The following JAZF1 variants were observed in gnomAD, a reference collection of about 807,000 sequenced individuals.
JAZF1 encodes juxtaposed with another zinc finger protein 1.
A neutral mutation model predicts 26.4 loss-of-function variants in JAZF1; 8 were observed. The observed-to-expected ratio is 0.30, with a 90% confidence interval of 0.18 to 0.55. The LOEUF is 0.55. Ranked by LOEUF, JAZF1 falls within the 20% of genes least tolerant of loss-of-function variation. The pLI, the probability that JAZF1 is intolerant of heterozygous loss-of-function variation, is 0.94. For synonymous variants in JAZF1, 126 were observed against 122.3 expected, an observed-to-expected ratio of 1.03 and a Z score of -0.20; for missense variants, 199 against 322.0, an observed-to-expected ratio of 0.62 and a Z score of 2.92.
chr7:27,963,181 G>A (rs1310370407), intron 2 of JAZF1, among the ~76,000 whole-genome samples: 1 of 152,146 alleles, frequency 6.6e-6, no homozygotes, highest in Non-Finnish European at 1.5e-5. Flanking sequence ...TGTATACTAC[G>A]TTACAATTTG....
chr7:28,114,098 T>A lies in JAZF1; in HGVS notation c.115+66365A>T, dbSNP rs377538782. Reference sequence around the variant, plus strand: ...TTAACACAACAGAAGAGAAGGACAATGGGAATATTAACAAGCAAGAATAAC... The same window carrying A: ...TTAACACAACAGAAGAGAAGGACAAAGGGAATATTAACAAGCAAGAATAAC... On this transcript the variant is annotated intron_variant, in intron 1 of 4. Transcript: ENST00000283928. Among the ~76,000 whole-genome samples, 25 of 152,312 alleles carry A rather than the reference T, an allele frequency of 1.6e-4. No individual in the cohort carries two copies. The East Asian group carries it at 3.1e-3, about 19-fold the overall frequency.
At chr7:28,158,156 CACACACACACAA>C (rs1266107283) in intron 1 of JAZF1, among the ~76,000 whole-genome samples, 5 of 109,750 alleles carry the variant, frequency 4.6e-5, no homozygotes, top group Admixed American at 1.2e-4. Flanking sequence ...CGCGCACACA[CACACACACACAA>C]ACACACACAC....
chr7:28,092,771 G>A (rs960654402), intron 1 of JAZF1, among the ~76,000 whole-genome samples: 6 of 151,540 alleles, frequency 4.0e-5, no homozygotes, highest in Non-Finnish European at 7.4e-5. Context: ...GAGGTGGGAG[G>A]ATCACCTGGG....
intron 1 of JAZF1, among the ~76,000 whole-genome samples, chr7:28,099,359 T>A (rs1451371136): frequency 6.6e-6 from 1 of 151,314 alleles, no homozygotes; most frequent in East Asian, 1.9e-4. Flanking sequence ...CTAAAAAGCT[T>A]TTTTTTTTCT....
chr7:27,938,889 C>T (rs1784800717), intron 2 of JAZF1, among the ~76,000 whole-genome samples: 1 of 151,954 alleles, frequency 6.6e-6, no homozygotes, highest in African/African-American at 2.4e-5. Context: ...CATCTACCCA[C>T]CTTGGTCTCC....
chr7:27,956,113 G>A (rs1478886023), intron 2 of JAZF1, among the ~76,000 whole-genome samples: 1 of 152,196 alleles, frequency 6.6e-6, no homozygotes, highest in African/African-American at 2.4e-5. Flanking sequence ...AGAGTGTCAA[G>A]GAAGTCTGTG....
chr7:28,035,060 T>C (rs1783261972), intron 1 of JAZF1, among the ~76,000 whole-genome samples: 1 of 152,040 alleles, frequency 6.6e-6, no homozygotes, highest in South Asian at 2.1e-4. Flanking sequence ...CTCAAGCCTA[T>C]AATCCCAGCA....
At chr7:28,172,916 T>C (rs181495351) in intron 1 of JAZF1, among the ~76,000 whole-genome samples, 50 of 152,258 alleles carry the variant, frequency 3.3e-4, no homozygotes, top group Admixed American at 2.4e-3. Context: ...CCTAGCTATA[T>C]CTCAAAAGCA....
chr7:27,975,207 G>A (rs1020063715), intron 2 of JAZF1, among the ~76,000 whole-genome samples: 4 of 151,930 alleles, frequency 2.6e-5, no homozygotes, highest in Non-Finnish European at 4.4e-5. Flanking sequence ...TTCAAGGGTC[G>A]AGGCAAAGTG....
At chr7:28,075,325 T>G (rs1255720411) in intron 1 of JAZF1, among the ~76,000 whole-genome samples, 1 of 152,214 alleles carries the variant, frequency 6.6e-6, no homozygotes, top group Non-Finnish European at 1.5e-5. Flanking sequence ...CCACTCCTCC[T>G]GGACCACAGA....
intron 2 of JAZF1, among the ~76,000 whole-genome samples, chr7:27,956,211 C>G (rs78452618): frequency 1.3e-5 from 2 of 152,040 alleles, no homozygotes; most frequent in Admixed American, 6.6e-5. Flanking sequence ...CAGGGAGGAA[C>G]GTAGTGGAGG....
At chr7:27,872,304 T>C (rs1783596792) in intron 3 of JAZF1, among the ~76,000 whole-genome samples, 1 of 152,240 alleles carries the variant, frequency 6.6e-6, no homozygotes, top group African/African-American at 2.4e-5. Context: ...TGCATTGGGT[T>C]TCCTGCAATT....
intron 1 of JAZF1, among the ~76,000 whole-genome samples, chr7:28,012,022 C>T (rs1782807829): frequency 6.6e-6 from 1 of 152,114 alleles, no homozygotes; most frequent in African/African-American, 2.4e-5. Flanking sequence ...TCGACATGCC[C>T]GTAAAGCTGT....
intron 3 of JAZF1, among the ~76,000 whole-genome samples, chr7:27,890,986 C>T (rs567639392): frequency 4.6e-5 from 7 of 151,716 alleles, no homozygotes; most frequent in Non-Finnish European, 1.0e-4. Flanking sequence ...GATGGGGTTT[C>T]ACCATGTTGG....
chr7:27,856,249 C>T (rs1467005707), intron 3 of JAZF1, among the ~76,000 whole-genome samples: 4 of 152,104 alleles, frequency 2.6e-5, no homozygotes, highest in East Asian at 3.9e-4. Flanking sequence ...TCGCGGTGAG[C>T]GTTACAGCTC....
chr7:28,120,501 CT>C (rs58448766), intron 1 of JAZF1, among the ~76,000 whole-genome samples: 3,569 of 58,402 alleles, frequency 0.061, 68 homozygotes, highest in African/African-American at 0.14. Flanking sequence ...ACACACAGTT[CT>C]TTTTTTTTTT....
At chr7:28,066,101 C>A (rs965806851) in intron 1 of JAZF1, among the ~76,000 whole-genome samples, 6 of 152,114 alleles carry the variant, frequency 3.9e-5, no homozygotes, top group African/African-American at 1.2e-4. Flanking sequence ...AAGGAAATCA[C>A]CCCCAGGCAG....
chr7:28,105,708 A>T (rs2127929912), intron 1 of JAZF1, among the ~76,000 whole-genome samples: 1 of 152,346 alleles, frequency 6.6e-6, no homozygotes, highest in South Asian at 2.1e-4. Context: ...CAACATACCA[A>T]GCTTGACTTG....
intron 1 of JAZF1, among the ~76,000 whole-genome samples, chr7:28,051,854 A>G (rs1404001200): frequency 6.6e-6 from 1 of 152,200 alleles, no homozygotes; most frequent in Non-Finnish European, 1.5e-5. Context: ...ATCACACCTA[A>G]AATTGATTTA....
Sources: allele counts gnomAD v4.1 joint callset (sites outside exome capture counted in the v4.1 genomes callset), GRCh38; gene constraint gnomAD v4.1.1; transcripts MANE v1.5; gene names NCBI Gene and HGNC (gene_info 2026-07-23, HGNC 2026-07-21).